NRG1: variants seen among roughly 807,000 people sequenced by gnomAD.
NRG1 encodes the protein neuregulin 1, also known as pro-neuregulin-1, membrane-bound isoform.
A neutral mutation model predicts 63.8 loss-of-function variants in NRG1; 18 were observed. The ratio of observed to expected loss-of-function variants is 0.28; its 90% CI spans 0.19 to 0.42. The LOEUF (loss-of-function observed/expected upper bound fraction) is 0.42, where lower values mean the gene tolerates loss of function less well. NRG1 is among the 10% of genes least tolerant of loss of function. The pLI is 1.00. For synonymous variants in NRG1, 302 were observed against 301.3 expected, an observed-to-expected ratio of 1.00 and a Z score of -0.02; for missense variants, 762 against 814.7, an observed-to-expected ratio of 0.94 and a Z score of 0.79.
chr8:31,725,639 C>T (rs1045763943), intron 1 of NRG1, among the ~76,000 whole-genome samples: 1 of 152,146 alleles, frequency 6.6e-6, no homozygotes, highest in African/African-American at 2.4e-5. Context: ...ATAAAGAAAG[C>T]AACTGAAAAT....
intron 1 of NRG1, among the ~76,000 whole-genome samples, chr8:32,420,691 G>C (rs1587538913): frequency 6.6e-6 from 1 of 152,184 alleles, no homozygotes; most frequent in East Asian, 1.9e-4. Context: ...GACAATGTAG[G>C]GATTTGTCAG....
chr8:32,328,931 A>G (rs1802319278), intron 1 of NRG1, among the ~76,000 whole-genome samples: 1 of 151,716 alleles, frequency 6.6e-6, no homozygotes, highest in African/African-American at 2.4e-5. Flanking sequence ...GGTGGAAGAA[A>G]GTTCCTTCTG....
chr8:31,702,010 A>C (rs2131194518), intron 1 of NRG1, among the ~76,000 whole-genome samples: 1 of 152,288 alleles, frequency 6.6e-6, no homozygotes, highest in Middle Eastern at 3.4e-3. Context: ...GATGGGCCCA[A>C]AAAGTGTTTT....
At chr8:32,725,141 G>T (rs760233353) in intron 5 of NRG1, among the ~76,000 whole-genome samples, 3 of 152,062 alleles carry the variant, frequency 2.0e-5, no homozygotes, top group Admixed American at 6.6e-5. Flanking sequence ...TCTACATTTG[G>T]GGGGGAGTTG....
At chr8:31,720,689 C>A (rs1022260853) in intron 1 of NRG1, among the ~76,000 whole-genome samples, 1 of 152,046 alleles carries the variant, frequency 6.6e-6, no homozygotes, top group Non-Finnish European at 1.5e-5. Context: ...TATGAAATGG[C>A]CTTGGACCTA....
chr8:31,816,050 T>C (rs568456599), intron 1 of NRG1, among the ~76,000 whole-genome samples: 14 of 152,388 alleles, frequency 9.2e-5, no homozygotes, highest in African/African-American at 3.4e-4. Context: ...TCTCTATATA[T>C]TCTGGATATT....
At chr8:32,181,551 A>G (rs1841430632) in intron 1 of NRG1, among the ~76,000 whole-genome samples, 1 of 152,228 alleles carries the variant, frequency 6.6e-6, no homozygotes, top group South Asian at 2.1e-4. Context: ...TACCAGTAAT[A>G]CAAAGACCTG....
chr8:32,069,997 A>G (rs1825515937), intron 1 of NRG1, among the ~76,000 whole-genome samples: 1 of 152,202 alleles, frequency 6.6e-6, no homozygotes, highest in African/African-American at 2.4e-5. Flanking sequence ...CCAGCTGGGC[A>G]GTAGTTTAAA....
intron 1 of NRG1, among the ~76,000 whole-genome samples, chr8:32,243,184 G>A (rs775648878): frequency 5.9e-5 from 9 of 152,124 alleles, no homozygotes; most frequent in Non-Finnish European, 1.3e-4. Flanking sequence ...AGCACTTTGG[G>A]AGGCTGAGAG....
chr8:32,066,211 T>G (rs1824790460), intron 1 of NRG1, among the ~76,000 whole-genome samples: 1 of 152,232 alleles, frequency 6.6e-6, no homozygotes, highest in African/African-American at 2.4e-5. Flanking sequence ...TTTGTCAATT[T>G]TGGCCTTTGT....
intron 2 of NRG1, among the ~76,000 whole-genome samples, chr8:32,600,350 AC>A (rs1588606689): frequency 6.6e-6 from 1 of 152,080 alleles, no homozygotes; most frequent in East Asian, 1.9e-4. Flanking sequence ...ACACACACAC[AC>A]ACAAACACTG....
chr8:32,576,508 A>G (rs188962285), intron 1 of NRG1, among the ~76,000 whole-genome samples: 1 of 152,158 alleles, frequency 6.6e-6, no homozygotes, highest in Non-Finnish European at 1.5e-5. Context: ...TTAAGTCTCA[A>G]TTCCCTATAA....
rs184510738 is a variant in NRG1, at chr8:31,938,218, G to C, written c.37+298787G>C. ...TATGCACAGCTGCAAGACCTGAAGA[G>C]GGATCGCATCATAGGACTCTGCAGA... On this transcript the variant is annotated intron_variant, in intron 1 of 10. Coordinates refer to the NRG1 transcript ENST00000519301. Among the ~76,000 whole-genome samples the C allele has an allele frequency of 6.0e-4, 91 of 152,298 alleles. 2 individuals carry two copies. In the East Asian group the frequency reaches 0.016, roughly 27 times the overall value.
chr8:31,993,770 C>A (rs1039405857), intron 1 of NRG1, among the ~76,000 whole-genome samples: 1 of 151,994 alleles, frequency 6.6e-6, no homozygotes, highest in African/African-American at 2.4e-5. Flanking sequence ...CTCTAGGCAC[C>A]TGCCCTATTA....
intron 1 of NRG1, among the ~76,000 whole-genome samples, chr8:31,823,066 A>G (rs112469613): frequency 0.022 from 3,196 of 143,996 alleles, 101 homozygotes; most frequent in African/African-American, 0.075. Flanking sequence ...GACCAAAGGT[A>G]TGTGTGTGTG....
chr8:31,829,722 C>T (rs563517057), intron 1 of NRG1, among the ~76,000 whole-genome samples: 9 of 152,254 alleles, frequency 5.9e-5, no homozygotes, highest in African/African-American at 2.2e-4. Flanking sequence ...TTGAGTGGCT[C>T]TATGTGGTTT....
chr8:32,598,070 A>C (rs529034734), intron 2 of NRG1, among the ~76,000 whole-genome samples: 1 of 152,326 alleles, frequency 6.6e-6, no homozygotes, highest in Non-Finnish European at 1.5e-5. Flanking sequence ...GTAATATTTA[A>C]GTGCCCATGA....
intron 1 of NRG1, among the ~76,000 whole-genome samples, chr8:32,147,697 A>G (rs1837026819): frequency 6.6e-6 from 1 of 152,134 alleles, no homozygotes; most frequent in South Asian, 2.1e-4. Flanking sequence ...CTTCTGGTCC[A>G]AGCTTGGTAT....
chr8:32,141,923 A>G (rs370252244), intron 1 of NRG1, among the ~76,000 whole-genome samples: 1 of 152,036 alleles, frequency 6.6e-6, no homozygotes. Flanking sequence ...GCTGTTCAGG[A>G]AAGTTCCCAC....
Sources: gnomAD v4.1 joint callset for allele counts (sites outside exome capture counted in the v4.1 genomes callset) on GRCh38, gnomAD v4.1.1 for gene constraint, MANE v1.5 for transcripts, NCBI Gene and HGNC (gene_info 2026-07-23, HGNC 2026-07-21) for gene names.